SLC6A3: variants seen among roughly 807,000 people sequenced by gnomAD.
SLC6A3 encodes the protein sodium-dependent dopamine transporter.
A neutral mutation model predicts 70.4 loss-of-function variants in SLC6A3; 19 were observed. That is an observed-to-expected ratio of 0.27 (90% CI 0.19 to 0.40). The LOEUF (loss-of-function observed/expected upper bound fraction) is 0.40. Ranked by LOEUF, SLC6A3 falls within the 10% of genes least tolerant of loss-of-function variation. SLC6A3 has a pLI of 1.00. For synonymous variants in SLC6A3, 368 were observed against 356.6 expected (o/e 1.03, Z -0.36); for missense variants, 613 against 838.5 (o/e 0.73, Z 3.32).
At chr5:1,432,407 C>T (rs1238063162) in intron 4 of SLC6A3, 57 bp downstream of exon 4, 2 of 1,357,536 alleles carry the variant, frequency 1.5e-6, no homozygotes, top group Non-Finnish European at 1.0e-6. Context: ...AAGGGGCTAC[C>T]ATGGGGGACC....
At chr5:1,429,337 A>G (rs780547177) in intron 4 of SLC6A3, among the ~76,000 whole-genome samples, 5 of 152,042 alleles carry the variant, frequency 3.3e-5, no homozygotes, top group Non-Finnish European at 7.4e-5. Context: ...TTGATCTTAA[A>G]CCTTCTCCAA....
At position 1,432,483 on chromosome 5, in the gene SLC6A3, G is replaced by A; in HGVS notation, c.634C>T (p.Pro212Ser). The change falls in exon 4 of 15, where the codon CCT (proline) becomes TCT (serine). Residue 212 changes from proline to serine, a missense_variant. Pro to Ser is a moderately conservative substitution (Grantham distance 74, BLOSUM62 -1). Transcript: ENST00000270349. ...ACTTACTCAAAGTACTCGGCAGCAG[G>A]TGTGGTCCCAAAAGTGTCGTTGAGG... ...SGLNDTFGTT[P>S]AAEYFERGVL... is the part of the protein sequence containing the mutation. The A allele has an allele frequency of 6.2e-7, 1 of 1,613,922 alleles. No individual in the cohort carries two copies. Among genetic ancestry groups the A allele is most frequent in the Non-Finnish European group, 8.5e-7 (1 of 1,179,758 alleles).
intron 14 of SLC6A3, among the ~76,000 whole-genome samples, chr5:1,398,158 C>T (rs933317405): frequency 1.1e-4 from 16 of 152,026 alleles, no homozygotes; most frequent in Admixed American, 9.2e-4. Context: ...ATCAGGAGTT[C>T]GAGACCAGCC....
At chr5:1,432,912 C>T (rs898298321) in intron 3 of SLC6A3, among the ~76,000 whole-genome samples, 1 of 152,124 alleles carries the variant, frequency 6.6e-6, no homozygotes, top group Non-Finnish European at 1.5e-5. Context: ...GAAGAAGCTG[C>T]CCACTCCCCA....
intron 12 of SLC6A3, among the ~76,000 whole-genome samples, chr5:1,403,523 C>T (rs933466249): frequency 6.7e-5 from 10 of 150,290 alleles, no homozygotes; most frequent in African/African-American, 9.8e-5. Context: ...ACATCACATC[C>T]GGCTCTATCC....
At position 1,416,185 on chromosome 5, in the gene SLC6A3, G is replaced by T; in HGVS notation, c.944C>A (p.Ala315Asp). The change falls in exon 7 of 15, where the codon GCC becomes GAC. Residue 315 changes from alanine (A) to aspartate (D), a missense_variant. Ala to Asp is a moderately radical substitution (Grantham distance 126). Coordinates refer to ENST00000270349, the MANE Select transcript of SLC6A3 (RefSeq NM_001044.5). ...LCEASVWIDA[A>D]TQVCFSLGVG... is the part of the protein sequence containing the mutation. ...GCCCAGGGAGAAGCACACCTGGGTGGCCGCGTCAATCCAAACCTGCAGAGC... is the reference window on the plus strand; with the variant it reads ...GCCCAGGGAGAAGCACACCTGGGTGTCCGCGTCAATCCAAACCTGCAGAGC... The T allele has an allele frequency of 1.2e-6, 2 of 1,613,300 alleles. No homozygotes were observed. The highest frequency in any genetic ancestry group is 8.5e-7 in the Non-Finnish European group (1 of 1,179,840).
chr5:1,430,544 C>G (rs1756672247), intron 4 of SLC6A3, among the ~76,000 whole-genome samples: 1 of 152,202 alleles, frequency 6.6e-6, no homozygotes, highest in Non-Finnish European at 1.5e-5. Flanking sequence ...GCAGCATCAG[C>G]CCTACTTTCT....
rs1373877894 is a variant in SLC6A3 at position 1,437,912 on chromosome 5, C to A, written c.418+3447G>T. The stretch of plus-strand genomic sequence containing the variant: ...ATTCAATGAGACATGAAAACGTATG[C>A]ATTTTTATTAACCAGATTTTTAAAA... On this transcript the variant is annotated intron_variant, in intron 3 of 14. Coordinates refer to ENST00000270349, the MANE Select transcript of SLC6A3 (RefSeq NM_001044.5). The surrounding 1 kb of genome is among the most constrained non-coding windows in gnomAD (Gnocchi z 4.8). Among the ~76,000 whole-genome samples the A allele has an allele frequency of 6.6e-6, 1 of 152,202 alleles. No homozygotes were observed. Among genetic ancestry groups the A allele is most frequent in the Non-Finnish European group, 1.5e-5 (1 of 68,032 alleles).
At position 1,395,804 on chromosome 5, in the gene SLC6A3, C is replaced by A. The variant is rs967007147; in HGVS notation, c.1840-1046G>T. The stretch of plus-strand genomic sequence containing the variant: ...ACTTCAGCTGTGAGTCCTGTTCCCC[C>A]CAGGGTGAAGCAGTTCTCTGTCCTG... On this transcript the variant is annotated intron_variant, in intron 14 of 14. Transcript: ENST00000270349. Among the ~76,000 whole-genome samples, 5 of 152,354 alleles carry A rather than the reference C, an allele frequency of 3.3e-5. No individual in the cohort carries two copies. In the East Asian group the frequency reaches 7.7e-4, roughly 23 times the overall value.
At chr5:1,433,293 G>A (rs769455375) in intron 3 of SLC6A3, among the ~76,000 whole-genome samples, 1 of 151,912 alleles carries the variant, frequency 6.6e-6, no homozygotes, top group African/African-American at 2.4e-5. Context: ...GTCGTCTAGG[G>A]TTACCCAGGA....
Position 1,414,658 on chromosome 5 carries a change from G to A in SLC6A3, c.1156+33C>T, listed in dbSNP as rs2963253. On this transcript the variant is annotated intron_variant, in intron 8 of 14. Transcript: ENST00000270349. Reference sequence around the variant, plus strand: ...TGAGAGCTCGGCGCTGGTGCTACACGGAGCAGGCCCAGGTGCAGCAGGAGG... The same window carrying A: ...TGAGAGCTCGGCGCTGGTGCTACACAGAGCAGGCCCAGGTGCAGCAGGAGG... The A allele has an allele frequency of 7.0e-3, 11,318 of 1,609,910 alleles. 440 individuals carry two copies. The African/African-American group carries it at 0.098, about 14-fold the overall frequency.
rs1410861593 is a variant in SLC6A3 at position 1,401,372 on chromosome 5, C to T, written c.1768-386G>A. 2.2e-6 allele frequency: 1 copy of T among 456,150 alleles called. No homozygotes were observed. Among genetic ancestry groups the T allele is most frequent in the Non-Finnish European group, 4.3e-6 (1 of 233,406 alleles). 28.3% of individuals were successfully genotyped at this position (456,150 alleles called of 1,614,324 possible). The stretch of plus-strand genomic sequence containing the variant: ...CACACCCAGGTGGGCTGCCTCGGGG[C>T]CACCTGCAGCTGACATATTCCGGGA... On this transcript the variant is annotated intron_variant, in intron 13 of 14. Coordinates refer to ENST00000270349, the MANE Select transcript of SLC6A3 (RefSeq NM_001044.5). The surrounding 1 kb of genome is among the most constrained non-coding windows in gnomAD (Gnocchi z 6.1).
At chr5:1,418,494 T>C (rs1756358551) in intron 6 of SLC6A3, among the ~76,000 whole-genome samples, 1 of 152,214 alleles carries the variant, frequency 6.6e-6, no homozygotes, top group Non-Finnish European at 1.5e-5. Context: ...CAACTGTCTA[T>C]CATCTATGAA....
At chr5:1,419,215 C>T (rs1756378726) in intron 6 of SLC6A3, among the ~76,000 whole-genome samples, 1 of 151,676 alleles carries the variant, frequency 6.6e-6, no homozygotes, top group African/African-American at 2.4e-5. Context: ...ATCCACCCAT[C>T]CATTATCCAT....
chr5:1,443,881 G>T (rs1296013701), intron 1 of SLC6A3, among the ~76,000 whole-genome samples: 1 of 151,780 alleles, frequency 6.6e-6, no homozygotes, highest in East Asian at 1.9e-4. Flanking sequence ...TTTTTTTGTA[G>T]AGACAGGGTC....
chr5:1,419,542 G>A (rs1756386878), intron 6 of SLC6A3, among the ~76,000 whole-genome samples: 2 of 152,176 alleles, frequency 1.3e-5, no homozygotes, highest in Admixed American at 1.3e-4. Flanking sequence ...CTTTGATTCT[G>A]TAACATGCCA....
chr5:1,429,599 A>G (rs1401123166), intron 4 of SLC6A3, among the ~76,000 whole-genome samples: 1 of 152,256 alleles, frequency 6.6e-6, no homozygotes, highest in Non-Finnish European at 1.5e-5. Flanking sequence ...TTATCTGAAC[A>G]TCACTTCAAT....
intron 8 of SLC6A3, among the ~76,000 whole-genome samples, chr5:1,412,710 A>C (rs1173514716): frequency 6.6e-6 from 1 of 151,772 alleles, no homozygotes. Flanking sequence ...CCTGCAACAG[A>C]GTCCCCTGTC....
At position 1,394,635 on chromosome 5, in the gene SLC6A3, T is replaced by C; in HGVS notation, c.*100A>G. The C allele has an allele frequency of 8.8e-7, 1 of 1,129,970 alleles. No homozygotes were observed. Among genetic ancestry groups the C allele is most frequent in the Admixed American group, 1.7e-5 (1 of 59,254 alleles). 70.0% of individuals were successfully genotyped at this position (1,129,970 alleles called of 1,614,324 possible). ...TGTGTTTTCAGTAGAGGTTGAAGAG[T>C]AGAAGTTGCCCTCCTTTCTCTCGAA... On this transcript the variant is annotated 3_prime_UTR_variant, in exon 15 of 15. Coordinates refer to ENST00000270349, the MANE Select transcript of SLC6A3 (RefSeq NM_001044.5). The surrounding 1 kb of genome is among the most constrained non-coding windows in gnomAD (Gnocchi z 4.7).
Sources: allele counts gnomAD v4.1 joint callset (sites outside exome capture counted in the v4.1 genomes callset), GRCh38; gene constraint gnomAD v4.1.1; non-coding constraint Gnocchi (gnomAD v3.1); transcripts MANE v1.5; gene names NCBI Gene and HGNC (gene_info 2026-07-23, HGNC 2026-07-21).